SP140: variants seen among roughly 807,000 people sequenced by gnomAD.
The protein encoded by SP140 is SP140 nuclear body protein, also known as nuclear body protein SP140.
Under a neutral mutation model 125.0 loss-of-function variants are expected in SP140, and 81 were observed. That is an observed-to-expected ratio of 0.65 (90% confidence interval 0.54 to 0.78). The LOEUF (loss-of-function observed/expected upper bound fraction) is 0.78, where lower values mean the gene tolerates loss of function less well. Among genes scored for constraint, SP140 ranks in the 30% least tolerant of loss-of-function variants. SP140 has a pLI of 0.00. For synonymous variants in SP140, 312 were observed against 354.0 expected, an observed-to-expected ratio of 0.88 and a Z score of 1.33; for missense variants, 858 against 1,037.0, an observed-to-expected ratio of 0.83 and a Z score of 2.37.
intron 3 of SP140, chr2:230,239,040 G>T: frequency 7.1e-7 from 1 of 1,402,930 alleles, no homozygotes; most frequent in Admixed American, 3.0e-5. Flanking sequence ...TTAATTTTTG[G>T]AAAATAAAGA....
At chr2:230,256,614 AT>A (rs1377885646) in intron 12 of SP140, among the ~76,000 whole-genome samples, 2 of 152,202 alleles carry the variant, frequency 1.3e-5, no homozygotes, top group Non-Finnish European at 2.9e-5. Context: ...CAGCACATGT[AT>A]ACATATGTAA....
chr2:230,285,693 G>A (rs2056286548), intron 16 of SP140, 59 bp from the exon 17 acceptor site: 1 of 1,400,572 alleles, frequency 7.1e-7, no homozygotes, highest in Non-Finnish European at 1.0e-6. Context: ...GTTTGTTCCT[G>A]CCTGACAGCT....
chr2:230,212,630 G>A (rs1467796279), intron 1 of SP140: 1 of 1,288,220 alleles, frequency 7.8e-7, no homozygotes, highest in Non-Finnish European at 1.1e-6. Flanking sequence ...CTTGAAAAGG[G>A]TTGTGTTTGG....
chr2:230,233,620 T>G (rs2047568410), intron 1 of SP140, among the ~76,000 whole-genome samples: 2 of 152,224 alleles, frequency 1.3e-5, no homozygotes, highest in South Asian at 4.1e-4. Context: ...TTTGAACACT[T>G]AAAATATGTA....
chr2:230,226,579 G>A (rs529618854), intron 1 of SP140, among the ~76,000 whole-genome samples: 5 of 152,090 alleles, frequency 3.3e-5, no homozygotes, highest in African/African-American at 1.2e-4. Flanking sequence ...TCTGACCAAC[G>A]TGGAGAAACC....
chr2:230,270,601 C>A lies in SP140; in HGVS notation c.1460C>A (p.Ala487Glu), dbSNP rs1328253650. The A allele has an allele frequency of 1.2e-6, 2 of 1,609,072 alleles. No homozygotes were observed. Among genetic ancestry groups the A allele is most frequent in the African/African-American group, 2.7e-5 (2 of 74,666 alleles). The change falls in exon 15 of 27, where the codon GCA becomes GAA. Residue 487 changes from alanine to glutamate, a missense_variant. Ala to Glu is a moderately radical substitution (Grantham distance 107). Around this residue, in one of 4 missense-constraint regions of SP140, gnomAD observed 791 missense variants for 869.5 expected, o/e 0.91. Transcript: ENST00000392045. Reference protein sequence around the residue: ...ACGTMDTVDIANNSTLGKPKR... With the variant: ...ACGTMDTVDIENNSTLGKPKR... ...TATTTTCCAGATACTGTGGATATTG[C>A]AAACAACTCCACTTTGGGAAAACCC...
At chr2:230,314,369 G>A (rs2059467413), downstream of SP140, among the ~76,000 whole-genome samples, 1 of 152,216 alleles carries the variant, frequency 6.6e-6, no homozygotes, top group South Asian at 2.1e-4. Context: ...TCCTCCGAAG[G>A]AGCTGTAGGA....
intron 15 of SP140, among the ~76,000 whole-genome samples, chr2:230,281,291 C>T (rs2055504508): frequency 6.6e-6 from 1 of 152,176 alleles, no homozygotes; most frequent in Non-Finnish European, 1.5e-5. Context: ...ATTTCTCTAT[C>T]CACTCACTAA....
intron 3 of SP140, chr2:230,214,876 A>C (rs2044932404): frequency 7.9e-7 from 1 of 1,272,136 alleles, no homozygotes; most frequent in African/African-American, 1.5e-5. Flanking sequence ...CATATTCCAC[A>C]GGGCTAGAAG....
At chr2:230,246,754 G>A (rs2049514489) in intron 7 of SP140, among the ~76,000 whole-genome samples, 2 of 152,194 alleles carry the variant, frequency 1.3e-5, no homozygotes, top group African/African-American at 2.4e-5. Flanking sequence ...ATGGAAGAAA[G>A]GAGATAAGCT....
At chr2:230,249,413 A>T (rs1328275559) in intron 9 of SP140, among the ~76,000 whole-genome samples, 5 of 152,160 alleles carry the variant, frequency 3.3e-5, no homozygotes, top group African/African-American at 4.8e-5. Flanking sequence ...GACCCTTGGG[A>T]TGGTGCTGAC....
chr2:230,260,201 G>A (rs543583271), intron 12 of SP140, among the ~76,000 whole-genome samples: 6 of 152,182 alleles, frequency 3.9e-5, no homozygotes, highest in Admixed American at 3.3e-4. Flanking sequence ...GTGATGTTGA[G>A]CAATTTTTTC....
rs1196613572 is a variant in SP140, at chr2:230,309,906, C to A, written c.2059-18C>A. The A allele has an allele frequency of 1.2e-6, 2 of 1,612,598 alleles. No homozygotes were observed. The highest frequency in any genetic ancestry group is 4.5e-5 in the East Asian group (2 of 44,880). On this transcript the variant is annotated intron_variant, in intron 22 of 26. Transcript: ENST00000392045. ...ATCTTGCGGTTCCCAGTGACGTGGA[C>A]ACTGTTTTATCTTCTAGATGAGAAA...
the SP140 span, among the ~76,000 whole-genome samples, chr2:230,187,287 C>T: frequency 1.3e-5 from 2 of 152,194 alleles, no homozygotes; most frequent in African/African-American, 4.8e-5. Context: ...GTTTCTTGGC[C>T]ATTTGAATAT....
rs766256859 is a variant in SP140, at chr2:230,287,937, G to C, written c.1691G>C (p.Arg564Thr). The change falls in exon 18 of 27, where the codon AGA becomes ACA. Residue 564 changes from arginine to threonine, a missense_variant. By Grantham distance (71) the Arg-to-Thr change is moderately conservative (BLOSUM62 -1). Transcript: ENST00000392045. ...GGAACCCGCTTCACTCAGAGTGACA[G>C]AGCTGCACAGAAAAGAGTCCGATCA... Reference protein sequence around the residue: ...KPGTRFTQSDRAAQKRVRSRA... With the variant: ...KPGTRFTQSDTAAQKRVRSRA... The C allele has an allele frequency of 6.2e-7, 1 of 1,612,494 alleles. No individual in the cohort carries two copies. The highest frequency in any genetic ancestry group is 8.5e-7 in the Non-Finnish European group (1 of 1,179,678).
At chr2:230,253,699 G>A (rs981450892) in intron 11 of SP140, among the ~76,000 whole-genome samples, 1 of 152,152 alleles carries the variant, frequency 6.6e-6, no homozygotes, top group African/African-American at 2.4e-5. Flanking sequence ...AGAAGTTCCT[G>A]GGTGATGTTA....
intron 12 of SP140, among the ~76,000 whole-genome samples, chr2:230,263,157 A>G (rs558406452): frequency 6.6e-6 from 1 of 152,238 alleles, no homozygotes; most frequent in South Asian, 2.1e-4. Flanking sequence ...AGGTGCATAT[A>G]TGTTTAGAAT....
upstream of SP140, chr2:230,221,665 G>A (rs1574828330): frequency 1.3e-6 from 2 of 1,529,486 alleles, no homozygotes; most frequent in African/African-American, 2.7e-5. Flanking sequence ...GGTGGTAAAG[G>A]AATTAAGGTT....
intron 9 of SP140, among the ~76,000 whole-genome samples, chr2:230,249,311 A>C (rs2050001377): frequency 6.6e-6 from 1 of 152,134 alleles, no homozygotes; most frequent in Non-Finnish European, 1.5e-5. Context: ...GACGCAGGGG[A>C]GAATGTTTTC....
Sources: allele counts gnomAD v4.1 joint callset (sites outside exome capture counted in the v4.1 genomes callset), GRCh38; gene constraint gnomAD v4.1.1; regional missense constraint gnomAD v4.1.1; transcripts MANE v1.5; gene names NCBI Gene and HGNC (gene_info 2026-07-23, HGNC 2026-07-21).